The following RTEL1 variants were observed in gnomAD, a reference collection of about 807,000 sequenced individuals.
The protein encoded by RTEL1 is regulator of telomere elongation helicase 1.
In RTEL1, 86 loss-of-function variants were observed where a neutral mutation model predicts 162.2. The ratio of observed to expected loss-of-function variants is 0.53; its 90% confidence interval spans 0.45 to 0.63. The LOEUF (loss-of-function observed/expected upper bound fraction) is 0.63. Among genes scored for constraint, RTEL1 ranks in the 30% least tolerant of loss-of-function variants. RTEL1 has a pLI of 0.00. For missense variants in RTEL1, 1,941 were observed against 1,750.2 expected (o/e 1.11, Z -1.95); for synonymous variants, 958 against 717.9 (o/e 1.33, Z -5.35).
At chr20:63,658,695 G>T (rs2089959367) in intron 1 of RTEL1, 1 of 152,490 alleles carries the variant, frequency 6.6e-6, no homozygotes, top group African/African-American at 2.4e-5. Flanking sequence ...CCGACATTCA[G>T]TGTGTCCGCG....
chr20:63,692,884 AC>A lies in RTEL1; in HGVS notation c.2733del (p.Phe912LeufsTer60). 1 of 1,612,628 alleles carries A rather than the reference AC, an allele frequency of 6.2e-7. No homozygotes were observed. Among genetic ancestry groups the A allele is most frequent in the Non-Finnish European group, 8.5e-7 (1 of 1,179,858 alleles). On this transcript the variant is annotated frameshift_variant, in exon 29 of 35. Transcript: ENST00000360203. LOFTEE classifies it high-confidence loss of function. Reference protein sequence around the residue: ...VAVKQELSQANFATFTQALQD... With the variant: ...VAVKQELSQAXFATFTQALQD... ...GTGAAGCAGGAGTTGAGCCAAGCCA[AC>A]TTTGCCACCTTCACCCAGGCCCTGC...
At chr20:63,689,006 A>G (rs775700250) in intron 21 of RTEL1, 49 bp from the exon 22 acceptor site, 1 of 1,514,648 alleles carries the variant, frequency 6.6e-7, no homozygotes. Flanking sequence ...TGGGGGAGGA[A>G]GGGGCTGGGG....
rs529100533 is a variant in RTEL1, at chr20:63,690,235, T to A, written c.2265+25T>A. ...TGTGAGTTCCTGCCCAGGGAGGGGA[T>A]GAGGGTGTTGTCCCCAGAGGAGCCA... On this transcript the variant is annotated intron_variant, in intron 25 of 34. Coordinates refer to ENST00000360203, the MANE Select transcript of RTEL1 (RefSeq NM_001283009.2). The A allele has an allele frequency of 1.7e-4, 267 of 1,609,812 alleles. 1 individual carries two copies. In the South Asian group the frequency reaches 2.8e-3, roughly 17 times the overall value.
chr20:63,684,264 CCCAACT>C (rs1221605226), intron 14 of RTEL1, among the ~76,000 whole-genome samples: 1 of 152,206 alleles, frequency 6.6e-6, no homozygotes, highest in Non-Finnish European at 1.5e-5. Context: ...CTCGGCTTCC[CCCAACT>C]CCACTGGGCA....
At position 63,690,386 on chromosome 20, in the gene RTEL1, C is replaced by T. The variant is rs202106904; in HGVS notation, c.2358C>T (p.Thr786=). ...AGTCGCCTGGCCCCTTCTTCTCCAC[C>T]AGGAAAGCTAAGAGTCTGGACCTGC... The part of the protein sequence containing the change: ...EAKSPGPFFS[T]RKAKSLDLHV... Residue 786 remains threonine, a synonymous_variant, in exon 26 of 35, where the codon ACC becomes ACT. Coordinates refer to ENST00000360203, the MANE Select transcript of RTEL1 (RefSeq NM_001283009.2). The T allele has an allele frequency of 2.1e-5, 34 of 1,611,192 alleles. No homozygotes were observed. In the African/African-American group the frequency reaches 4.4e-4, roughly 21 times the overall value.
chr20:63,662,842 G>A lies in RTEL1; in HGVS notation c.491G>A (p.Arg164His), dbSNP rs377176432. ...ESNHLQIHLC[R>H]KKVASRSCHF... ...TTCCTCCCACAGATCCACTTGTGCC[G>A]TAAGAAGGTGGCAAGTCGCTCCTGT... Residue 164 changes from arginine to histidine, a missense_variant, in exon 6 of 35, where the codon CGT (arginine) becomes CAT (histidine). Arg to His is a conservative substitution (Grantham distance 29). Transcript: ENST00000360203. 1.1e-5 allele frequency: 18 copies of A among 1,613,844 alleles called. No homozygotes were observed. Among genetic ancestry groups the A allele is most frequent in the East Asian group, 4.5e-5 (2 of 44,900 alleles).
intron 12 of RTEL1, among the ~76,000 whole-genome samples, chr20:63,678,643 T>TCCCACGAACAGCACACACA (rs2090412200): frequency 2.4e-5 from 1 of 42,388 alleles, no homozygotes; most frequent in African/African-American, 1.1e-4. Flanking sequence ...GCACACACAC[T>TCCCACGAACAGCACACACA]CCCACGGAAC....
At chr20:63,679,143 C>A (rs1452228662) in intron 12 of RTEL1, among the ~76,000 whole-genome samples, 1 of 152,190 alleles carries the variant, frequency 6.6e-6, no homozygotes, top group Non-Finnish European at 1.5e-5. Context: ...GCAGCCAGGG[C>A]AGCAGGGTTT....
At position 63,667,062 on chromosome 20, in the gene RTEL1, A is replaced by G. The variant is rs530501288; in HGVS notation, c.615-407A>G. On this transcript the variant is annotated intron_variant, in intron 7 of 34. Transcript: ENST00000360203. ...CACCGTGTTAGCCAGGATGGTCTCG[A>G]TCTTCTGACCTTGTGATCCGCCCAC... Among the ~76,000 whole-genome samples, 908 of 144,432 alleles carry G rather than the reference A, an allele frequency of 6.3e-3. 5 individuals carry two copies. The highest frequency in any genetic ancestry group is 0.011 in the Non-Finnish European group (695 of 66,088). The allele number at this position is 144,432 out of a possible 152,430, so 94.8% of individuals were successfully genotyped here. A position where few individuals can be genotyped will look rare whatever the true frequency, so the allele number is the denominator to read the frequency against.
At chr20:63,670,816 CAAAAAA>C (rs765965525) in intron 8 of RTEL1, among the ~76,000 whole-genome samples, 9 of 134,168 alleles carry the variant, frequency 6.7e-5, no homozygotes, top group Admixed American at 1.5e-4. Context: ...GACCCCATCT[CAAAAAA>C]AAAAAAAAAG....
chr20:63,691,088 G>C, intron 27 of RTEL1, 141 bp downstream of exon 27: 1 of 933,412 alleles, frequency 1.1e-6, no homozygotes, highest in Non-Finnish European at 1.6e-6. Flanking sequence ...GCGGGCGGGG[G>C]ATCCCAGCTG....
At chr20:63,662,989 GGCGGCCAGT>G in intron 6 of RTEL1, 100 bp downstream of exon 6, 1 of 1,197,080 alleles carries the variant, frequency 8.4e-7, no homozygotes, top group Non-Finnish European at 1.2e-6. Flanking sequence ...TGCCCGGTGG[GGCGGCCAGT>G]GCGGCCATGT....
chr20:63,663,980 C>T (rs949573941), intron 6 of RTEL1, among the ~76,000 whole-genome samples: 33 of 152,168 alleles, frequency 2.2e-4, no homozygotes, highest in Non-Finnish European at 2.8e-4. Flanking sequence ...GGGAGGCTCC[C>T]GCTTACTGGA....
chr20:63,662,001 G>T, intron 4 of RTEL1, 58 bp downstream of exon 4: 1 of 1,307,866 alleles, frequency 7.6e-7, no homozygotes, highest in Non-Finnish European at 1.1e-6. Context: ...GCTTGGCATG[G>T]TGCTGAGTCC....
chr20:63,690,785 G>C lies in RTEL1; in HGVS notation c.2414-20G>C. 2.5e-6 allele frequency: 4 copies of C among 1,590,974 alleles called. No homozygotes were observed. The South Asian group carries it at 4.5e-5, about 18-fold the overall frequency. ...TGGGGCCCCCCGTGGGCTTCACTGC[G>C]CACTCGGGTGCCCCTGCAGGGTCAC... On this transcript the variant is annotated intron_variant, in intron 26 of 34. Transcript: ENST00000360203.
chr20:63,688,904 G>A, intron 21 of RTEL1, 151 bp from the exon 22 acceptor site: 1 of 761,246 alleles, frequency 1.3e-6, no homozygotes, highest in African/African-American at 1.7e-5. Flanking sequence ...GTCAGCCTGG[G>A]ATCCGTGCCA....
chr20:63,666,599 A>G (rs970500621), intron 7 of RTEL1, among the ~76,000 whole-genome samples: 5 of 152,050 alleles, frequency 3.3e-5, no homozygotes, highest in African/African-American at 1.2e-4. Context: ...GCAGTGTCAC[A>G]GTCTTGGCTC....
intron 6 of RTEL1, among the ~76,000 whole-genome samples, chr20:63,663,470 G>A (rs530381675): frequency 2.6e-5 from 4 of 152,364 alleles, no homozygotes; most frequent in South Asian, 2.1e-4. Flanking sequence ...GACAGGAGCC[G>A]GCCGGGGCAG....
At chr20:63,663,073 A>G (rs982392871) in intron 6 of RTEL1, 184 bp downstream of exon 6, 12 of 644,380 alleles carry the variant, frequency 1.9e-5, no homozygotes, top group African/African-American at 1.2e-4. Flanking sequence ...GAGCTCACAC[A>G]GTGGTCTGAG....
Sources: allele counts gnomAD v4.1 joint callset (sites outside exome capture counted in the v4.1 genomes callset), GRCh38; gene constraint gnomAD v4.1.1; transcripts MANE v1.5; gene names NCBI Gene and HGNC (gene_info 2026-07-23, HGNC 2026-07-21).